Variants in PLD5 observed in about 807,000 individuals in gnomAD.
The protein encoded by PLD5 is phospholipase D family member 5.
A neutral mutation model predicts 61.1 loss-of-function variants in PLD5; 36 were observed. That is an observed-to-expected ratio of 0.59 (90% CI 0.45 to 0.78). The LOEUF is 0.78. Ranked by LOEUF, PLD5 falls within the 30% of genes least tolerant of loss-of-function variation. The probability of loss-of-function intolerance (pLI) is 0.00; values close to 1 mark genes in which losing one functional copy is unlikely to be tolerated. For synonymous variants in PLD5, 243 were observed against 242.8 expected (o/e 1.00, Z -0.01); for missense variants, 515 against 644.4 (o/e 0.80, Z 2.17).
At chr1:242,280,912 GAAT>G (rs1300882938) in intron 3 of PLD5, among the ~76,000 whole-genome samples, 1 of 152,182 alleles carries the variant, frequency 6.6e-6, no homozygotes, top group Non-Finnish European at 1.5e-5. Flanking sequence ...CATGATAAAT[GAAT>G]AAAGAGTCTC....
At chr1:242,389,484 C>A (rs1662794664) in intron 1 of PLD5, among the ~76,000 whole-genome samples, 1 of 151,936 alleles carries the variant, frequency 6.6e-6, no homozygotes. Flanking sequence ...CATATTAACA[C>A]ATGGTGTCTA....
rs1027399564 is a variant in PLD5, at chr1:242,086,056, G to C, written c.*3798C>G. 6.6e-6 allele frequency: 1 copy of C among 152,112 alleles called. No individual in the cohort carries two copies. The highest frequency in any genetic ancestry group is 2.4e-5 in the African/African-American group (1 of 41,404). The allele number at this position is 152,112 out of a possible 1,614,324, so 9.4% of individuals were successfully genotyped here. ...ATAGCCACAGGCTGGTGGGAAATGA[G>C]CTTCTATCCATCCCAGGTTCATCGA... On this transcript the variant is annotated 3_prime_UTR_variant, in exon 10 of 10. Coordinates refer to ENST00000536534, the MANE Select transcript of PLD5 (RefSeq NM_001372062.1).
At chr1:242,427,958 G>T (rs529300371) in intron 1 of PLD5, among the ~76,000 whole-genome samples, 123 of 152,276 alleles carry the variant, frequency 8.1e-4, no homozygotes, top group Non-Finnish European at 1.4e-3. Flanking sequence ...GGACCAGGGA[G>T]GTTAAAAAAA....
chr1:242,526,895 A>T (rs1669458983), upstream of PLD5, among the ~76,000 whole-genome samples: 1 of 152,144 alleles, frequency 6.6e-6, no homozygotes, highest in African/African-American at 2.4e-5. Flanking sequence ...TGCAAAGAAT[A>T]CCTCTGCCTT....
intron 5 of PLD5, among the ~76,000 whole-genome samples, chr1:242,140,726 G>A (rs1664098476): frequency 6.8e-6 from 1 of 147,396 alleles, no homozygotes; most frequent in African/African-American, 2.6e-5. Flanking sequence ...CATAGTTTCT[G>A]TTGCTACATC....
In PLD5 at chr1:242,441,360, G is replaced by C. The variant is rs1052794499; in HGVS notation, c.189+82728C>G. ...GGTGTTGTGTGTGTGTATGAAAAAG[G>C]CTAGATTATAAATATCTCTATATAA... On this transcript the variant is annotated intron_variant, in intron 1 of 9. Transcript: ENST00000536534. 5.3e-5 allele frequency among the ~76,000 whole-genome samples: 8 copies of C among 152,030 alleles called. 1 individual carries two copies. Among genetic ancestry groups the C allele is most frequent in the Non-Finnish European group, 5.9e-5 (4 of 67,962 alleles).
At chr1:242,158,130 C>A (rs768522333) in intron 5 of PLD5, among the ~76,000 whole-genome samples, 2 of 152,176 alleles carry the variant, frequency 1.3e-5, no homozygotes, top group Admixed American at 1.3e-4. Flanking sequence ...CCTAATCAAG[C>A]CTCAGCAATG....
intron 2 of PLD5, among the ~76,000 whole-genome samples, chr1:242,339,532 A>G (rs576089282): frequency 2.6e-5 from 4 of 152,324 alleles, no homozygotes; most frequent in Non-Finnish European, 5.9e-5. Context: ...TCTCTTCATT[A>G]CAAAGTTTTC....
At chr1:242,143,194 GTTTTTTTC>G (rs896991356) in intron 5 of PLD5, among the ~76,000 whole-genome samples, 6 of 151,744 alleles carry the variant, frequency 4.0e-5, no homozygotes, top group South Asian at 4.2e-4. Flanking sequence ...CGCCAGCTAT[GTTTTTTTC>G]TTTTTTTCTT....
chr1:242,395,233 G>T (rs1262883173), intron 1 of PLD5, among the ~76,000 whole-genome samples: 1 of 151,676 alleles, frequency 6.6e-6, no homozygotes, highest in African/African-American at 2.4e-5. Context: ...TTACTTCATA[G>T]GCAGCAAGTA....
At chr1:242,224,439 A>G (rs1670800621) in intron 4 of PLD5, among the ~76,000 whole-genome samples, 1 of 152,028 alleles carries the variant, frequency 6.6e-6, no homozygotes, top group South Asian at 2.1e-4. Context: ...TTTTTTTTCT[A>G]TAGTTATTTT....
At chr1:242,266,923 C>T (rs1261957349) in intron 3 of PLD5, among the ~76,000 whole-genome samples, 1 of 151,966 alleles carries the variant, frequency 6.6e-6, no homozygotes, top group Non-Finnish European at 1.5e-5. Flanking sequence ...TTGAAACCAG[C>T]CTGGTCAACA....
chr1:242,359,523 T>A (rs1660953108), intron 1 of PLD5, among the ~76,000 whole-genome samples: 1 of 152,242 alleles, frequency 6.6e-6, no homozygotes, highest in Admixed American at 6.5e-5. Context: ...TGCTAGTTAA[T>A]CTTTCTGTTG....
chr1:242,224,866 C>T (rs575974045), intron 4 of PLD5, among the ~76,000 whole-genome samples: 1 of 152,246 alleles, frequency 6.6e-6, no homozygotes, highest in African/African-American at 2.4e-5. Context: ...AAAATTCACC[C>T]TTTTGAGCAT....
chr1:242,317,187 G>A (rs960485956), intron 2 of PLD5, among the ~76,000 whole-genome samples: 1 of 151,942 alleles, frequency 6.6e-6, no homozygotes, highest in Non-Finnish European at 1.5e-5. Flanking sequence ...CTAATTTTTT[G>A]TATCTTTAGT....
chr1:242,189,546 C>A (rs183277201), intron 5 of PLD5, among the ~76,000 whole-genome samples: 6 of 151,110 alleles, frequency 4.0e-5, no homozygotes, highest in Admixed American at 3.3e-4. Context: ...ATCTTCCATG[C>A]GTCACTGTTC....
At chr1:242,129,031 G>T (rs1663026579) in intron 5 of PLD5, among the ~76,000 whole-genome samples, 1 of 152,120 alleles carries the variant, frequency 6.6e-6, no homozygotes, top group Non-Finnish European at 1.5e-5. Context: ...CAGATGGAGG[G>T]AAGAATATTT....
chr1:242,160,863 C>A (rs1290707160), intron 5 of PLD5, among the ~76,000 whole-genome samples: 1 of 130,408 alleles, frequency 7.7e-6, no homozygotes, highest in Non-Finnish European at 1.7e-5. Context: ...CCAGCCTGAG[C>A]AACAGAGTGA....
At chr1:242,198,948 G>A (rs1183639629) in intron 5 of PLD5, among the ~76,000 whole-genome samples, 1 of 151,972 alleles carries the variant, frequency 6.6e-6, no homozygotes, top group Non-Finnish European at 1.5e-5. Context: ...TGGTCAGGCT[G>A]GTCTCGGACT....
Sources: allele counts gnomAD v4.1 joint callset (sites outside exome capture counted in the v4.1 genomes callset), GRCh38; gene constraint gnomAD v4.1.1; transcripts MANE v1.5; gene names NCBI Gene and HGNC (gene_info 2026-07-23, HGNC 2026-07-21).